KHDRBS2: variants seen among roughly 807,000 people sequenced by gnomAD.
The protein encoded by KHDRBS2 is KH RNA binding domain containing, signal transduction associated 2, also known as KH domain-containing, RNA-binding, signal transduction-associated protein 2.
A neutral mutation model predicts 44.3 loss-of-function variants in KHDRBS2; 26 were observed. The ratio of observed to expected loss-of-function variants is 0.59; its 90% confidence interval spans 0.43 to 0.81. KHDRBS2 has a LOEUF of 0.81. Ranked by LOEUF, KHDRBS2 falls within the 40% of genes least tolerant of loss-of-function variation. KHDRBS2 has a pLI of 0.00. For missense variants in KHDRBS2, 476 were observed against 433.1 expected, an observed-to-expected ratio of 1.10 and a Z score of -0.88; for synonymous variants, 194 against 151.1, an observed-to-expected ratio of 1.28 and a Z score of -2.08.
intron 6 of KHDRBS2, among the ~76,000 whole-genome samples, chr6:61,827,058 A>G (rs1790993140): frequency 6.6e-6 from 1 of 152,244 alleles, no homozygotes; most frequent in Non-Finnish European, 1.5e-5. Context: ...AGCCATGTCA[A>G]TGATTATTTC....
intron 3 of KHDRBS2, among the ~76,000 whole-genome samples, chr6:62,033,749 G>A (rs930332225): frequency 4.0e-5 from 6 of 151,182 alleles, no homozygotes; most frequent in Non-Finnish European, 8.9e-5. Context: ...ACAAAAGGAA[G>A]GCTGAGGCAG....
intron 4 of KHDRBS2, among the ~76,000 whole-genome samples, chr6:61,938,367 T>A (rs1811441137): frequency 6.6e-6 from 1 of 152,122 alleles, no homozygotes; most frequent in Admixed American, 6.6e-5. Context: ...GTGTTTCCAG[T>A]TAAAAGAAAC....
intron 3 of KHDRBS2, among the ~76,000 whole-genome samples, chr6:61,982,148 G>A (rs1773970358): frequency 6.6e-6 from 1 of 152,114 alleles, no homozygotes; most frequent in Admixed American, 6.6e-5. Context: ...GATGACAACA[G>A]TGTCAAATTC....
At chr6:61,547,169 TC>T in the KHDRBS2 span, among the ~76,000 whole-genome samples, 4 of 152,220 alleles carry the variant, frequency 2.6e-5, no homozygotes, top group African/African-American at 9.6e-5. Flanking sequence ...AGACAGTGGC[TC>T]CGACAACTCT....
chr6:62,237,890 T>G (rs988962259), intron 1 of KHDRBS2, among the ~76,000 whole-genome samples: 1 of 151,932 alleles, frequency 6.6e-6, no homozygotes, highest in African/African-American at 2.4e-5. Flanking sequence ...GATAAAAAAA[T>G]TAGCTGGGCG....
intron 8 of KHDRBS2, among the ~76,000 whole-genome samples, chr6:61,693,977 T>C (rs543739248): frequency 3.0e-4 from 46 of 152,268 alleles, no homozygotes; most frequent in African/African-American, 1.0e-3. Context: ...AATTCCGAAA[T>C]AGAAATCTCA....
chr6:62,096,825 T>G (rs1410934970), intron 2 of KHDRBS2, among the ~76,000 whole-genome samples: 1 of 151,794 alleles, frequency 6.6e-6, no homozygotes, highest in Non-Finnish European at 1.5e-5. Flanking sequence ...TTATTTTATT[T>G]TTTTCTGATA....
chr6:62,088,848 C>A (rs1471342992), intron 2 of KHDRBS2, among the ~76,000 whole-genome samples: 1 of 152,136 alleles, frequency 6.6e-6, no homozygotes, highest in African/African-American at 2.4e-5. Flanking sequence ...GTGCTCTGTC[C>A]CGGGTAGATG....
intron 2 of KHDRBS2, among the ~76,000 whole-genome samples, chr6:62,063,095 T>G (rs1196310814): frequency 0.019 from 2,488 of 132,394 alleles, 98 homozygotes; most frequent in African/African-American, 0.064. Flanking sequence ...GTTGAATCTC[T>G]GAATAGACCA....
intron 2 of KHDRBS2, among the ~76,000 whole-genome samples, chr6:62,063,993 A>G (rs1792814218): frequency 6.7e-6 from 1 of 149,146 alleles, no homozygotes; most frequent in South Asian, 2.2e-4. Flanking sequence ...ACAACAGACA[A>G]ACAGAGACCC....
intron 7 of KHDRBS2, among the ~76,000 whole-genome samples, chr6:61,710,616 G>A (rs1770338252): frequency 6.6e-6 from 1 of 150,642 alleles, no homozygotes; most frequent in Admixed American, 6.7e-5. Context: ...TTTCTACATG[G>A]AACTCCTTCT....
chr6:62,104,552 G>C (rs1313556528), intron 2 of KHDRBS2, among the ~76,000 whole-genome samples: 2 of 151,910 alleles, frequency 1.3e-5, no homozygotes, highest in Non-Finnish European at 2.9e-5. Flanking sequence ...AATAACATAT[G>C]AGTAAAAACA....
chr6:61,603,777 C>T, the KHDRBS2 span, among the ~76,000 whole-genome samples: 1 of 152,158 alleles, frequency 6.6e-6, no homozygotes, highest in South Asian at 2.1e-4. Flanking sequence ...CCACAATTAC[C>T]ATTGTTCCTG....
intron 1 of KHDRBS2, among the ~76,000 whole-genome samples, chr6:62,219,064 T>C (rs1251590046): frequency 6.6e-6 from 1 of 151,738 alleles, no homozygotes; most frequent in African/African-American, 2.4e-5. Context: ...CAATATGTAT[T>C]ATTTGGTTGA....
chr6:61,743,787 A>G (rs904429676), intron 6 of KHDRBS2, among the ~76,000 whole-genome samples: 2 of 49,216 alleles, frequency 4.1e-5, no homozygotes, highest in East Asian at 1.0e-3. Context: ...CCCTCCCCCC[A>G]CCCCACAACA....
At chr6:61,787,573 T>C (rs1784012851) in intron 6 of KHDRBS2, among the ~76,000 whole-genome samples, 1 of 151,682 alleles carries the variant, frequency 6.6e-6, no homozygotes, top group South Asian at 2.1e-4. Context: ...ACTTCATCCT[T>C]CCTCATTAAT....
chr6:62,023,641 A>G (rs569026200), intron 3 of KHDRBS2, among the ~76,000 whole-genome samples: 3 of 151,616 alleles, frequency 2.0e-5, no homozygotes, highest in Non-Finnish European at 3.0e-5. Flanking sequence ...AATGTAATAC[A>G]TTAATTACTA....
At chr6:61,955,495 C>CGT (rs1562520144) in intron 4 of KHDRBS2, among the ~76,000 whole-genome samples, 597 of 47,742 alleles carry the variant, frequency 0.013, 103 homozygotes, top group African/African-American at 0.024. Flanking sequence ...TGTATGTATA[C>CGT]ATGTGTATAT....
intron 1 of KHDRBS2, among the ~76,000 whole-genome samples, chr6:62,252,049 A>G (rs1316774387): frequency 6.6e-6 from 1 of 151,914 alleles, no homozygotes; most frequent in Non-Finnish European, 1.5e-5. Context: ...AGCATTTCAC[A>G]TAATAATATT....
Sources: allele counts gnomAD v4.1 joint callset (sites outside exome capture counted in the v4.1 genomes callset), GRCh38; gene constraint gnomAD v4.1.1; transcripts MANE v1.5; gene names NCBI Gene and HGNC (gene_info 2026-07-23, HGNC 2026-07-21).